SIPA1L2: variants seen among roughly 807,000 people sequenced by gnomAD.
SIPA1L2 encodes signal-induced proliferation-associated 1-like protein 2.
Under a neutral mutation model 163.9 loss-of-function variants are expected in SIPA1L2, and 56 were observed. The observed-to-expected ratio is 0.34, with a 90% CI of 0.28 to 0.43. The LOEUF is 0.43. Ranked by LOEUF, SIPA1L2 falls within the 20% of genes least tolerant of loss-of-function variation. The probability of loss-of-function intolerance (pLI) is 1.00; values close to 1 mark genes in which losing one functional copy is unlikely to be tolerated. For missense variants in SIPA1L2, 1,974 were observed against 2,193.5 expected, an observed-to-expected ratio of 0.90 and a Z score of 2.00; for synonymous variants, 877 against 865.7, an observed-to-expected ratio of 1.01 and a Z score of -0.23.
intron 1 of SIPA1L2, among the ~76,000 whole-genome samples, chr1:232,620,481 T>C (rs1486818481): frequency 6.6e-6 from 1 of 152,214 alleles, no homozygotes; most frequent in Non-Finnish European, 1.5e-5. Flanking sequence ...TAGGGCCTTG[T>C]TCCTCATTCC....
intron 15 of SIPA1L2, among the ~76,000 whole-genome samples, chr1:232,436,475 G>C (rs529556979): frequency 6.6e-6 from 1 of 152,284 alleles, no homozygotes; most frequent in East Asian, 1.9e-4. Flanking sequence ...GTCAGTTCCT[G>C]AAAGTTTATT....
intron 3 of SIPA1L2, among the ~76,000 whole-genome samples, chr1:232,503,005 T>C (rs1666556830): frequency 6.6e-6 from 1 of 152,162 alleles, no homozygotes; most frequent in South Asian, 2.1e-4. Flanking sequence ...AAGAGGCCCT[T>C]CCCATCTTGG....
chr1:232,525,914 A>T (rs747137151), intron 2 of SIPA1L2, among the ~76,000 whole-genome samples: 3 of 152,206 alleles, frequency 2.0e-5, no homozygotes, highest in Non-Finnish European at 4.4e-5. Flanking sequence ...ACTCCCGTGC[A>T]TATGTCCAGT....
chr1:232,573,030 C>T (rs1659886594), intron 2 of SIPA1L2, among the ~76,000 whole-genome samples: 3 of 151,896 alleles, frequency 2.0e-5, no homozygotes, highest in Admixed American at 1.3e-4. Flanking sequence ...ATCCGTCCGC[C>T]TCGGCCTTCC....
chr1:232,495,990 T>C (rs774256889), intron 3 of SIPA1L2, among the ~76,000 whole-genome samples: 1 of 152,232 alleles, frequency 6.6e-6, no homozygotes, highest in African/African-American at 2.4e-5. Context: ...GAAAAGTTAC[T>C]GTAAGCTAAG....
chr1:232,559,356 A>T (rs1658902026), intron 2 of SIPA1L2, among the ~76,000 whole-genome samples: 2 of 152,246 alleles, frequency 1.3e-5, no homozygotes, highest in Non-Finnish European at 2.9e-5. Flanking sequence ...AGCTCCAGCT[A>T]GACCCGGCAT....
Position 232,471,454 on chromosome 1 carries a change from A to G in SIPA1L2, c.2160T>C (p.Thr720=). Residue 720 remains threonine, a synonymous_variant, in exon 8 of 23, where the codon ACT becomes ACC. Coordinates refer to ENST00000674635, the MANE Select transcript of SIPA1L2 (RefSeq NM_020808.5). The stretch of plus-strand genomic sequence containing the variant: ...GAAAGTGAGACCGGATGCTTTTTGG[A>G]GTAAAAGGAAGTGCCCCAGGCTCCT... The part of the protein sequence containing the change: ...VFQEPGALPF[T]PKSIRSHFQH... 1 of 1,614,086 alleles carries G rather than the reference A, an allele frequency of 6.2e-7. No individual in the cohort carries two copies. The highest frequency in any genetic ancestry group is 8.5e-7 in the Non-Finnish European group (1 of 1,179,972).
chr1:232,487,022 C>A (rs1665678350), intron 5 of SIPA1L2, among the ~76,000 whole-genome samples: 2 of 152,204 alleles, frequency 1.3e-5, no homozygotes, highest in Non-Finnish European at 2.9e-5. Flanking sequence ...CTGTGCCAGT[C>A]CCACAGTCCT....
At position 232,514,453 on chromosome 1, in the gene SIPA1L2, C is replaced by T. The variant is rs1299436043; in HGVS notation, c.887G>A (p.Arg296Gln). Residue 296 changes from arginine (R) to glutamine (Q), a missense_variant, in exon 3 of 23, where the codon CGA (arginine) becomes CAA (glutamine). Coordinates refer to ENST00000674635, the MANE Select transcript of SIPA1L2 (RefSeq NM_020808.5). ...AGTTTCGTGCTCACTTTTAACAGTT[C>T]GAAGCTTTCGGAAGAGAGATGTTTC... ...SVETSLFRKL[R>Q]TVKSEHETFK... is the part of the protein sequence containing the mutation. 28 of 1,614,058 alleles carry T rather than the reference C, an allele frequency of 1.7e-5. No homozygotes were observed. The highest frequency in any genetic ancestry group is 3.3e-5 in the South Asian group (3 of 91,088).
intron 14 of SIPA1L2, among the ~76,000 whole-genome samples, chr1:232,440,839 C>A (rs771247030): frequency 1.3e-5 from 2 of 152,216 alleles, no homozygotes; most frequent in Non-Finnish European, 2.9e-5. Flanking sequence ...CTGAGAACTA[C>A]CACGTGGGCG....
At chr1:232,573,640 T>C (rs1420489378) in intron 2 of SIPA1L2, among the ~76,000 whole-genome samples, 2 of 152,158 alleles carry the variant, frequency 1.3e-5, no homozygotes, top group African/African-American at 4.8e-5. Flanking sequence ...GGAGCACCTC[T>C]GCCTTTATTC....
intron 6 of SIPA1L2, among the ~76,000 whole-genome samples, chr1:232,481,476 A>G (rs527278274): frequency 1.3e-5 from 2 of 152,066 alleles, no homozygotes; most frequent in South Asian, 2.1e-4. Flanking sequence ...TGCGGGGGGG[A>G]AAAGTACTTC....
chr1:232,430,644 G>A (rs1034524663), intron 16 of SIPA1L2, among the ~76,000 whole-genome samples: 3 of 152,160 alleles, frequency 2.0e-5, no homozygotes, highest in Non-Finnish European at 4.4e-5. Flanking sequence ...CTGTGTTGCT[G>A]GGCAGAGCCT....
intron 2 of SIPA1L2, among the ~76,000 whole-genome samples, chr1:232,535,215 C>T (rs1445271366): frequency 6.6e-6 from 1 of 152,096 alleles, no homozygotes; most frequent in Non-Finnish European, 1.5e-5. Context: ...AGAGAAAGTA[C>T]GCGTATGCCT....
At chr1:232,575,784 T>C (rs2102789907) in intron 1 of SIPA1L2, among the ~76,000 whole-genome samples, 1 of 152,118 alleles carries the variant, frequency 6.6e-6, no homozygotes, top group South Asian at 2.1e-4. Flanking sequence ...AAACGCCCAT[T>C]AGATGAATAC....
chr1:232,410,417 C>T (rs531005980), intron 19 of SIPA1L2, among the ~76,000 whole-genome samples: 1 of 152,178 alleles, frequency 6.6e-6, no homozygotes, highest in South Asian at 2.1e-4. Context: ...CAATTTACTA[C>T]TGAATTTCAT....
At chr1:232,554,989 G>A (rs1358340822) in intron 2 of SIPA1L2, among the ~76,000 whole-genome samples, 2 of 142,784 alleles carry the variant, frequency 1.4e-5, no homozygotes, top group Non-Finnish European at 3.1e-5. Flanking sequence ...TGGAATAAAA[G>A]CAAATAAACA....
At chr1:232,501,048 G>GTTTTTTTT (rs1421294418) in intron 3 of SIPA1L2, among the ~76,000 whole-genome samples, 15 of 58,430 alleles carry the variant, frequency 2.6e-4, no homozygotes, top group Non-Finnish European at 4.1e-4. Flanking sequence ...TAGCAATGAA[G>GTTTTTTTT]TATTTTTTTT....
Position 232,441,202 on chromosome 1 carries a change from G to A in SIPA1L2, c.3642+89C>T, listed in dbSNP as rs1211021519. The A allele has an allele frequency of 4.1e-6, 4 of 966,466 alleles. No homozygotes were observed. In the African/African-American group the frequency reaches 6.9e-5, roughly 17 times the overall value. 59.9% of individuals were successfully genotyped at this position (966,466 alleles called of 1,614,324 possible). On this transcript the variant is annotated intron_variant, in intron 14 of 22. Transcript: ENST00000674635. Reference sequence around the variant, plus strand: ...GCCCTGTGAGGTAATGTGCTCTTGAGCATCCCCAGGAATCAGGCTGTACCA... The same window carrying A: ...GCCCTGTGAGGTAATGTGCTCTTGAACATCCCCAGGAATCAGGCTGTACCA...
Sources: gnomAD v4.1 joint callset for allele counts (sites outside exome capture counted in the v4.1 genomes callset) on GRCh38, gnomAD v4.1.1 for gene constraint, MANE v1.5 for transcripts, NCBI Gene and HGNC (gene_info 2026-07-23, HGNC 2026-07-21) for gene names.